ARK2N: variants seen among roughly 807,000 people sequenced by gnomAD.
ARK2N encodes the protein arkadia (RNF111) N-terminal like PKA signaling regulator 2N.
the ARK2N span, among the ~76,000 whole-genome samples, chr18:46,208,137 A>G: frequency 3.3e-5 from 5 of 152,104 alleles, no homozygotes; most frequent in East Asian, 1.9e-4. Context: ...GGCCCTTACT[A>G]TTGCCTGGAA....
chr18:46,223,937 G>A, the ARK2N span, among the ~76,000 whole-genome samples: 1 of 152,174 alleles, frequency 6.6e-6, no homozygotes, highest in Admixed American at 6.5e-5. Flanking sequence ...ATCTGAGGAA[G>A]TAACATTTTT....
chr18:46,192,583 T>G, the ARK2N span, among the ~76,000 whole-genome samples: 3 of 151,098 alleles, frequency 2.0e-5, no homozygotes, highest in Non-Finnish European at 4.4e-5. Context: ...CTCAATTTTT[T>G]TTTTTTGAGA....
At chr18:46,208,712 T>C in the ARK2N span, among the ~76,000 whole-genome samples, 1 of 151,976 alleles carries the variant, frequency 6.6e-6, no homozygotes, top group South Asian at 2.1e-4. Context: ...TTGTGATCCA[T>C]CCACCCTGAC....
the ARK2N span, among the ~76,000 whole-genome samples, chr18:46,175,690 A>G: frequency 1.3e-5 from 2 of 151,998 alleles, no homozygotes; most frequent in Non-Finnish European, 2.9e-5. Flanking sequence ...TTTAGTAGAG[A>G]CGGGGTTTTA....
chr18:46,202,347 C>T, the ARK2N span, among the ~76,000 whole-genome samples: 4 of 152,086 alleles, frequency 2.6e-5, no homozygotes, highest in Non-Finnish European at 4.4e-5. Flanking sequence ...CCTACTAGCA[C>T]CCATGTACTT....
chr18:46,185,490 A>G, the ARK2N span, among the ~76,000 whole-genome samples: 1 of 152,192 alleles, frequency 6.6e-6, no homozygotes, highest in Non-Finnish European at 1.5e-5. Flanking sequence ...GTCTTCCACC[A>G]TTGTCATAGC....
the ARK2N span, among the ~76,000 whole-genome samples, chr18:46,192,789 T>C: frequency 1.3e-5 from 2 of 150,908 alleles, no homozygotes; most frequent in African/African-American, 4.9e-5. Context: ...AGGCTGGTCT[T>C]GAACTCCTGA....
the ARK2N span, among the ~76,000 whole-genome samples, chr18:46,188,207 T>C: frequency 1.3e-5 from 2 of 152,120 alleles, no homozygotes; most frequent in Non-Finnish European, 2.9e-5. Context: ...ATCTTATATA[T>C]ATATATTTTT....
the ARK2N span, chr18:46,262,939 C>T: frequency 6.2e-7 from 1 of 1,613,974 alleles, no homozygotes; most frequent in Non-Finnish European, 8.5e-7. Flanking sequence ...GTGTGTTCAT[C>T]CTCGAGGTGG....
the ARK2N span, among the ~76,000 whole-genome samples, chr18:46,224,750 A>T: frequency 6.6e-6 from 1 of 152,200 alleles, no homozygotes; most frequent in East Asian, 1.9e-4. Context: ...AATGTTAGTC[A>T]TTTTATTTTT....
chr18:46,175,453 T>C, the ARK2N span, among the ~76,000 whole-genome samples: 1 of 152,128 alleles, frequency 6.6e-6, no homozygotes. Flanking sequence ...CTTTCTAATG[T>C]AGTTTTGCTG....
chr18:46,225,397 A>G, the ARK2N span, among the ~76,000 whole-genome samples: 4 of 152,358 alleles, frequency 2.6e-5, no homozygotes, highest in Non-Finnish European at 4.4e-5. Flanking sequence ...TGTATTGACA[A>G]TCTGCGTTTT....
chr18:46,211,592 G>A, the ARK2N span, among the ~76,000 whole-genome samples: 1 of 152,150 alleles, frequency 6.6e-6, no homozygotes, highest in Non-Finnish European at 1.5e-5. Context: ...GGTCAAAGGA[G>A]GATTTCAAAA....
the ARK2N span, among the ~76,000 whole-genome samples, chr18:46,256,905 TAGG>T: frequency 6.6e-6 from 1 of 152,190 alleles, no homozygotes; most frequent in South Asian, 2.1e-4. Context: ...GAGAAGCAAG[TAGG>T]AGAAGAGGCT....
chr18:46,229,408 C>T, the ARK2N span, among the ~76,000 whole-genome samples: 8 of 152,130 alleles, frequency 5.3e-5, no homozygotes, highest in South Asian at 2.1e-4. Context: ...AGTGCAGTGG[C>T]GCGATCTCAG....
At chr18:46,211,407 C>A in the ARK2N span, among the ~76,000 whole-genome samples, 2 of 152,134 alleles carry the variant, frequency 1.3e-5, 1 homozygote, top group Middle Eastern at 6.8e-3. Flanking sequence ...GGGGTCTTGC[C>A]ATGTTGCCTA....
chr18:46,260,732 C>T, the ARK2N span, among the ~76,000 whole-genome samples: 1 of 152,204 alleles, frequency 6.6e-6, no homozygotes, highest in Non-Finnish European at 1.5e-5. Flanking sequence ...CCAGGCAGTG[C>T]TTCTTTCAGT....
the ARK2N span, among the ~76,000 whole-genome samples, chr18:46,246,295 G>C: frequency 5.3e-5 from 8 of 152,172 alleles, no homozygotes; most frequent in African/African-American, 1.9e-4. Context: ...GAGAATGTCA[G>C]GTTCTATACT....
chr18:46,233,727 T>C, the ARK2N span, among the ~76,000 whole-genome samples: 3 of 152,208 alleles, frequency 2.0e-5, no homozygotes, highest in Non-Finnish European at 2.9e-5. Flanking sequence ...CATTTACCAG[T>C]ATAAGGACAA....
Sources: allele counts gnomAD v4.1 joint callset (sites outside exome capture counted in the v4.1 genomes callset), GRCh38; gene constraint gnomAD v4.1.1; transcripts MANE v1.5; gene names NCBI Gene and HGNC (gene_info 2026-07-23, HGNC 2026-07-21).